The following HDAC4 variants were observed in gnomAD, a reference collection of about 807,000 sequenced individuals.
HDAC4 encodes the protein histone deacetylase 4, also known as histone deacetylase A.
A neutral mutation model predicts 135.1 loss-of-function variants in HDAC4; 16 were observed. The observed-to-expected ratio is 0.12, with a 90% CI of 0.08 to 0.18. The LOEUF (loss-of-function observed/expected upper bound fraction) is 0.18, where lower values mean the gene tolerates loss of function less well. HDAC4 is among the 10% of genes least tolerant of loss of function. The pLI is 1.00. For synonymous variants in HDAC4, 685 were observed against 653.4 expected (o/e 1.05, Z -0.74); for missense variants, 1,143 against 1,511.8 (o/e 0.76, Z 4.05).
intron 1 of HDAC4, among the ~76,000 whole-genome samples, chr2:239,361,696 G>T (rs1018812078): frequency 6.6e-6 from 1 of 152,234 alleles, no homozygotes; most frequent in Non-Finnish European, 1.5e-5. Flanking sequence ...CCATCAGTCA[G>T]CTGTCTGCCT....
At chr2:239,100,951 G>C (rs992318265) in intron 16 of HDAC4, among the ~76,000 whole-genome samples, 1 of 152,006 alleles carries the variant, frequency 6.6e-6, no homozygotes, top group Non-Finnish European at 1.5e-5. Flanking sequence ...GCTGTGTAGG[G>C]AGTCGGGGCC....
At chr2:239,341,390 C>T (rs1335469039) in intron 2 of HDAC4, among the ~76,000 whole-genome samples, 1 of 152,226 alleles carries the variant, frequency 6.6e-6, no homozygotes, top group Non-Finnish European at 1.5e-5. Flanking sequence ...GATGAGGAGA[C>T]AGGGCTGGAA....
chr2:239,064,884 T>C (rs1397786374), intron 24 of HDAC4, among the ~76,000 whole-genome samples: 1 of 152,222 alleles, frequency 6.6e-6, no homozygotes, highest in African/African-American at 2.4e-5. Flanking sequence ...CTGCGCATGC[T>C]GAGGCCACTC....
intron 24 of HDAC4, among the ~76,000 whole-genome samples, chr2:239,055,662 A>G (rs13416041): frequency 0.031 from 4,644 of 151,144 alleles, 231 homozygotes; most frequent in African/African-American, 0.11. Context: ...GGCTGTAGTG[A>G]GCCAAGATTG....
chr2:239,147,680 C>T (rs2041854323), intron 7 of HDAC4, among the ~76,000 whole-genome samples: 1 of 152,282 alleles, frequency 6.6e-6, no homozygotes, highest in Admixed American at 6.5e-5. Flanking sequence ...GAGTTGCTCC[C>T]ACCAAGCGTG....
chr2:239,161,800 C>T (rs766120261), intron 6 of HDAC4: 1 of 424,190 alleles, frequency 2.4e-6, no homozygotes, highest in South Asian at 1.7e-5. Context: ...CCTCCCAGCC[C>T]CAGCCACTCT....
intron 2 of HDAC4, among the ~76,000 whole-genome samples, chr2:239,249,077 G>A (rs917526192): frequency 6.6e-6 from 1 of 152,232 alleles, no homozygotes; most frequent in Admixed American, 6.5e-5. Context: ...TAGACAAAGT[G>A]ACCTGAGAGG....
In HDAC4 at chr2:239,297,058, T is replaced by C. The variant is rs546948231; in HGVS notation, c.22+55620A>G. Among the ~76,000 whole-genome samples the C allele has an allele frequency of 2.0e-5, 3 of 146,632 alleles. No homozygotes were observed. The South Asian group carries it at 6.5e-4, about 32-fold the overall frequency. The stretch of plus-strand genomic sequence containing the variant: ...AAAAAAAAAAAAAAAAGGAATTAAG[T>C]CTTATGCTGCTTCCTACAAGGGCTG... On this transcript the variant is annotated intron_variant, in intron 2 of 26. Transcript: ENST00000543185.
intron 25 of HDAC4, among the ~76,000 whole-genome samples, chr2:239,054,043 G>C (rs1415550708): frequency 1.3e-5 from 2 of 152,000 alleles, no homozygotes; most frequent in Non-Finnish European, 2.9e-5. Flanking sequence ...GGGGGTGGAG[G>C]GGTACTGCGT....
chr2:239,071,743 C>CGA (rs2034219683), intron 22 of HDAC4, among the ~76,000 whole-genome samples: 3 of 152,176 alleles, frequency 2.0e-5, no homozygotes, highest in Non-Finnish European at 2.9e-5. Context: ...TGAACATTTC[C>CGA]ACCGAAAGCT....
Position 239,331,694 on chromosome 2 carries a change from A to G in HDAC4, c.22+20984T>C, listed in dbSNP as rs1691584593. 6.6e-6 allele frequency among the ~76,000 whole-genome samples: 1 copy of G among 152,132 alleles called. No homozygotes were observed. Among genetic ancestry groups the G allele is most frequent in the African/African-American group, 2.4e-5 (1 of 41,436 alleles). On this transcript the variant is annotated intron_variant, in intron 2 of 26. Coordinates refer to ENST00000543185, the MANE Select transcript of HDAC4 (RefSeq NM_001378414.1). This position sits in a 1 kb window ranked among gnomAD's most constrained non-coding sequence, Gnocchi z 4.5. ...AACCTCAGCTTCCACTCTGGGCTAC[A>G]GCGGGCCATACTAACCCTCCAGCCA...
At chr2:239,230,690 T>C (rs59214637) in intron 3 of HDAC4, among the ~76,000 whole-genome samples, 2,365 of 152,318 alleles carry the variant, frequency 0.016, 67 homozygotes, top group African/African-American at 0.054. Flanking sequence ...AGCTTTATGA[T>C]GAAAACTCAC....
chr2:239,180,358 T>C (rs1370137587), intron 4 of HDAC4, among the ~76,000 whole-genome samples: 3 of 152,032 alleles, frequency 2.0e-5, no homozygotes, highest in Admixed American at 2.0e-4. Context: ...ATCAATCCCG[T>C]TCCTGGACCT....
rs562260881 is a variant in HDAC4 at position 239,223,165 on chromosome 2, C to T, written c.94+13428G>A. 4.6e-4 allele frequency among the ~76,000 whole-genome samples: 70 copies of T among 152,328 alleles called. 1 individual carries two copies. Among genetic ancestry groups the T allele is most frequent in the African/African-American group, 1.5e-3 (64 of 41,564 alleles). On this transcript the variant is annotated intron_variant, in intron 3 of 26. Coordinates refer to ENST00000543185, the MANE Select transcript of HDAC4 (RefSeq NM_001378414.1). ...CATTTCAGAATTTCCTTCTTAGCAA[C>T]CTCCAAACGTTTGGTTATGTGTTTC...
chr2:239,280,249 G>A lies in HDAC4; in HGVS notation c.23-43585C>T, dbSNP rs539695209. Among the ~76,000 whole-genome samples, 6 of 152,322 alleles carry A rather than the reference G, an allele frequency of 3.9e-5. No homozygotes were observed. The South Asian group carries it at 1.2e-3, about 32-fold the overall frequency. On this transcript the variant is annotated intron_variant, in intron 2 of 26. Transcript: ENST00000543185. Reference sequence around the variant, plus strand: ...CAATGCCAGCAACCCAAGAGTGGGGGCAAAGCTGATGTGCGAGTGCCTCGT... The same window carrying A: ...CAATGCCAGCAACCCAAGAGTGGGGACAAAGCTGATGTGCGAGTGCCTCGT...
rs562557086 is a variant in HDAC4 at position 239,344,707 on chromosome 2, G to A, written c.22+7971C>T. Among the ~76,000 whole-genome samples the A allele has an allele frequency of 2.6e-5, 4 of 152,290 alleles. No homozygotes were observed. The South Asian group carries it at 6.2e-4, about 24-fold the overall frequency. On this transcript the variant is annotated intron_variant, in intron 2 of 26. Coordinates refer to ENST00000543185, the MANE Select transcript of HDAC4 (RefSeq NM_001378414.1). The stretch of plus-strand genomic sequence containing the variant: ...TGGGAGGATGCACATTCAGACAGGC[G>A]GTGCTGTGCGTCAGAAAACGTACAC...
intron 24 of HDAC4, among the ~76,000 whole-genome samples, chr2:239,064,172 G>A (rs1031506028): frequency 1.3e-4 from 20 of 152,240 alleles, no homozygotes; most frequent in Non-Finnish European, 2.5e-4. Context: ...TTGCTGTGCC[G>A]GGCAGTTTGT....
chr2:239,140,946 G>C, intron 8 of HDAC4: 1 of 454,750 alleles, frequency 2.2e-6, no homozygotes. Flanking sequence ...AGGAGGATGA[G>C]GAGGGTGGGG....
intron 2 of HDAC4, among the ~76,000 whole-genome samples, chr2:239,301,492 T>A (rs2052268888): frequency 1.3e-5 from 2 of 151,410 alleles, no homozygotes; most frequent in Non-Finnish European, 2.9e-5. Flanking sequence ...TTTTTATTTT[T>A]CTCTCTTGAA....
Sources: allele counts gnomAD v4.1 joint callset (sites outside exome capture counted in the v4.1 genomes callset), GRCh38; gene constraint gnomAD v4.1.1; non-coding constraint Gnocchi (gnomAD v3.1); transcripts MANE v1.5; gene names NCBI Gene and HGNC (gene_info 2026-07-23, HGNC 2026-07-21).